DAAM1: variants seen among roughly 807,000 people sequenced by gnomAD.
DAAM1 encodes the protein disheveled-associated activator of morphogenesis 1.
Under a neutral mutation model 130.0 loss-of-function variants are expected in DAAM1, and 52 were observed. The observed-to-expected ratio is 0.40, with a 90% confidence interval of 0.32 to 0.50. The LOEUF (loss-of-function observed/expected upper bound fraction) is 0.50. Ranked by LOEUF, DAAM1 falls within the 20% of genes least tolerant of loss-of-function variation. The pLI is 0.61. For synonymous variants in DAAM1, 452 were observed against 444.5 expected, an observed-to-expected ratio of 1.02 and a Z score of -0.21; for missense variants, 1,134 against 1,303.8, an observed-to-expected ratio of 0.87 and a Z score of 2.01.
intron 4 of DAAM1, among the ~76,000 whole-genome samples, chr14:59,320,145 C>T (rs1199098260): frequency 6.6e-6 from 1 of 152,094 alleles, no homozygotes; most frequent in Non-Finnish European, 1.5e-5. Context: ...GGACTGCTGC[C>T]CACCTCCTGT....
chr14:59,335,925 C>A (rs1885609655), intron 15 of DAAM1, among the ~76,000 whole-genome samples: 1 of 151,830 alleles, frequency 6.6e-6, no homozygotes, highest in Admixed American at 6.6e-5. Context: ...ATAATTTTCA[C>A]ATTGAAAAAT....
Position 59,344,708 on chromosome 14 carries a change from A to G in DAAM1, c.2076-2831A>G, listed in dbSNP as rs142419956. ...ATTAAGAGAAACCAAAATTGTTTTGAATTAGAGCTAGTGTTTAGTCCAGAC... is the reference window on the plus strand; with the variant it reads ...ATTAAGAGAAACCAAAATTGTTTTGGATTAGAGCTAGTGTTTAGTCCAGAC... On this transcript the variant is annotated intron_variant, in intron 16 of 24. Transcript: ENST00000360909. 5.9e-5 allele frequency among the ~76,000 whole-genome samples: 9 copies of G among 152,324 alleles called. No homozygotes were observed. The East Asian group carries it at 1.7e-3, about 29-fold the overall frequency.
intron 1 of DAAM1, among the ~76,000 whole-genome samples, chr14:59,248,729 G>A (rs1243488441): frequency 6.6e-6 from 1 of 152,152 alleles, no homozygotes; most frequent in Non-Finnish European, 1.5e-5. Context: ...GGGCAAGCAG[G>A]TTTAAAGTGC....
rs780312090 is a variant in DAAM1 at position 59,359,495 on chromosome 14, C to A, written c.2624C>A (p.Ala875Glu). 2.5e-6 allele frequency: 4 copies of A among 1,612,404 alleles called. No individual in the cohort carries two copies. In the East Asian group the frequency reaches 6.7e-5, roughly 27 times the overall value. ...NEELRDIPQA[A>E]KVNMTELDKE... ...GAATTGCGAGATATTCCTCAAGCTGCGAAAGTAAAGTAAGTACTTACAGTG... is the reference window on the plus strand; with the variant it reads ...GAATTGCGAGATATTCCTCAAGCTGAGAAAGTAAAGTAAGTACTTACAGTG... Residue 875 changes from alanine to glutamate, a missense_variant, in exon 21 of 25, where the codon GCG (alanine) becomes GAG (glutamate). Ala to Glu is a moderately radical substitution (Grantham distance 107, BLOSUM62 -1). This residue lies in a region of DAAM1 where 644 missense variants were observed against 695.9 expected (regional missense o/e 0.93). Coordinates refer to ENST00000360909, the MANE Select transcript of DAAM1 (RefSeq NM_001270520.2).
chr14:59,216,353 G>A (rs528630698), intron 1 of DAAM1, among the ~76,000 whole-genome samples: 45 of 152,246 alleles, frequency 3.0e-4, no homozygotes, highest in African/African-American at 1.1e-3. Context: ...TTGGACAGCT[G>A]CCTGTTTATT....
intron 20 of DAAM1, 200 bp from the exon 21 acceptor site, chr14:59,359,197 C>T (rs1886608795): frequency 2.1e-6 from 1 of 476,414 alleles, no homozygotes; most frequent in Non-Finnish European, 3.8e-6. Context: ...CATGGAGGCT[C>T]TCCCATTATT....
chr14:59,353,845 A>T, intron 18 of DAAM1, 31 bp from the exon 19 acceptor site: 1 of 1,602,592 alleles, frequency 6.2e-7, no homozygotes, highest in Non-Finnish European at 8.5e-7. Context: ...ATATTAAATG[A>T]ATATCAATTA....
intron 17 of DAAM1, among the ~76,000 whole-genome samples, chr14:59,351,512 G>A (rs1416669476): frequency 1.3e-5 from 2 of 151,944 alleles, no homozygotes; most frequent in African/African-American, 2.4e-5. Context: ...CTGCATAAGT[G>A]CTGTGCTGCC....
intron 15 of DAAM1, 97 bp from the exon 16 acceptor site, chr14:59,339,977 T>C: frequency 1.0e-6 from 1 of 992,962 alleles, no homozygotes; most frequent in Non-Finnish European, 1.5e-6. Flanking sequence ...TACGAGTGTG[T>C]GTATGTGTAT....
At chr14:59,230,965 T>C (rs1036898481) in intron 1 of DAAM1, among the ~76,000 whole-genome samples, 3 of 152,194 alleles carry the variant, frequency 2.0e-5, no homozygotes, top group Non-Finnish European at 4.4e-5. Flanking sequence ...ATGTTCTCTG[T>C]TGAACAACTG....
intron 1 of DAAM1, among the ~76,000 whole-genome samples, chr14:59,235,534 T>C (rs1055034112): frequency 6.6e-6 from 1 of 152,186 alleles, no homozygotes; most frequent in Non-Finnish European, 1.5e-5. Flanking sequence ...TTTTCTCTCT[T>C]CTTTATTAGT....
At chr14:59,343,931 G>A (rs961065755) in intron 16 of DAAM1, among the ~76,000 whole-genome samples, 25 of 152,324 alleles carry the variant, frequency 1.6e-4, no homozygotes, top group South Asian at 2.1e-4. Flanking sequence ...TCTTAGAGAC[G>A]TTCCTCAGGT....
chr14:59,198,188 C>G (rs1152564), intron 1 of DAAM1, among the ~76,000 whole-genome samples: 19,261 of 149,022 alleles, frequency 0.13, 1,392 homozygotes, highest in Middle Eastern at 0.2. Flanking sequence ...ATTTGCCTTT[C>G]TTTTCTTTTC....
At chr14:59,218,471 AT>A (rs779416613) in intron 1 of DAAM1, among the ~76,000 whole-genome samples, 3 of 152,244 alleles carry the variant, frequency 2.0e-5, no homozygotes, top group Non-Finnish European at 4.4e-5. Context: ...CTGTGATTTC[AT>A]TTGTTTCTAA....
chr14:59,238,116 A>C (rs1202469848), intron 1 of DAAM1, among the ~76,000 whole-genome samples: 3 of 152,070 alleles, frequency 2.0e-5, no homozygotes, highest in African/African-American at 4.8e-5. Flanking sequence ...TGACCTTGTA[A>C]ATGAGAGAAA....
chr14:59,335,291 A>C (rs898058548), intron 15 of DAAM1, among the ~76,000 whole-genome samples: 2 of 152,196 alleles, frequency 1.3e-5, no homozygotes, highest in African/African-American at 4.8e-5. Context: ...TATGTGCCAC[A>C]TGAAATGGGA....
At chr14:59,360,925 T>G in intron 22 of DAAM1, 63 bp downstream of exon 22, 1 of 1,462,388 alleles carries the variant, frequency 6.8e-7, no homozygotes, top group Admixed American at 1.7e-5. Context: ...TGCTGGTGGT[T>G]TTCAGCAGAT....
chr14:59,323,237 C>T lies in DAAM1; in HGVS notation c.774+12C>T. ...GGACCCGCTTTCAGGTGGGTGTTCG[C>T]TCAGCCTTCTTCACTCACCCCTTCT... On this transcript the variant is annotated intron_variant, in intron 6 of 24. Transcript: ENST00000360909. The T allele has an allele frequency of 6.3e-7, 1 of 1,581,346 alleles. No individual in the cohort carries two copies. The highest frequency in any genetic ancestry group is 8.6e-7 in the Non-Finnish European group (1 of 1,162,090).
intron 1 of DAAM1, among the ~76,000 whole-genome samples, chr14:59,221,502 C>T (rs1053893726): frequency 3.9e-5 from 6 of 152,142 alleles, no homozygotes; most frequent in African/African-American, 9.7e-5. Flanking sequence ...TTTATCTGGT[C>T]GGGTGGCTTA....
Sources: gnomAD v4.1 joint callset for allele counts (sites outside exome capture counted in the v4.1 genomes callset) on GRCh38, gnomAD v4.1.1 for gene constraint, gnomAD v4.1.1 regional missense constraint, MANE v1.5 for transcripts, NCBI Gene and HGNC (gene_info 2026-07-23, HGNC 2026-07-21) for gene names.